Variants in CCDC148 observed in about 807,000 individuals in gnomAD.
CCDC148 encodes coiled-coil domain containing 148.
A neutral mutation model predicts 85.7 loss-of-function variants in CCDC148; 89 were observed. The ratio of observed to expected loss-of-function variants is 1.04; its 90% CI spans 0.87 to 1.24. The LOEUF (loss-of-function observed/expected upper bound fraction) is 1.24. CCDC148 is among the 50% of genes most tolerant of loss of function. The pLI is 0.00. For missense variants in CCDC148, 692 were observed against 671.7 expected, an observed-to-expected ratio of 1.03 and a Z score of -0.33; for synonymous variants, 230 against 213.9, an observed-to-expected ratio of 1.08 and a Z score of -0.66.
intron 10 of CCDC148, among the ~76,000 whole-genome samples, chr2:158,237,130 T>G (rs1175110273): frequency 2.0e-5 from 3 of 152,052 alleles, no homozygotes; most frequent in Non-Finnish European, 2.9e-5. Flanking sequence ...GGACATATGC[T>G]CGAGTGTTCA....
At chr2:158,225,255 C>G (rs898521153) in intron 10 of CCDC148, among the ~76,000 whole-genome samples, 2 of 152,196 alleles carry the variant, frequency 1.3e-5, no homozygotes. Flanking sequence ...GAAGAGCTAA[C>G]TATCCTAAAT....
intron 11 of CCDC148, among the ~76,000 whole-genome samples, chr2:158,219,744 C>T (rs1361828408): frequency 1.3e-5 from 2 of 152,210 alleles, no homozygotes; most frequent in South Asian, 2.1e-4. Context: ...TGAACTAGCT[C>T]TATCTTAACG....
At chr2:158,419,006 T>C (rs1321117726) in intron 1 of CCDC148, among the ~76,000 whole-genome samples, 1 of 152,132 alleles carries the variant, frequency 6.6e-6, no homozygotes, top group Non-Finnish European at 1.5e-5. Flanking sequence ...TTGCATGCTG[T>C]ATTTCATAAT....
chr2:158,345,005 C>T (rs1479798484), intron 3 of CCDC148, among the ~76,000 whole-genome samples: 1 of 151,932 alleles, frequency 6.6e-6, no homozygotes, highest in Non-Finnish European at 1.5e-5. Flanking sequence ...ATCTTCTTTC[C>T]AACAGGAAGC....
chr2:158,183,380 G>T (rs1684999347), intron 11 of CCDC148, among the ~76,000 whole-genome samples: 1 of 152,102 alleles, frequency 6.6e-6, no homozygotes, highest in African/African-American at 2.4e-5. Flanking sequence ...TTGATCCGTA[G>T]TAACAGCTTC....
At chr2:158,433,013 G>A (rs1169528703) in intron 1 of CCDC148, among the ~76,000 whole-genome samples, 2 of 147,220 alleles carry the variant, frequency 1.4e-5, no homozygotes, top group East Asian at 3.9e-4. Context: ...CAAGGTGGGT[G>A]GACTGCTTCA....
intron 7 of CCDC148, among the ~76,000 whole-genome samples, chr2:158,335,445 A>G (rs1258936467): frequency 6.6e-6 from 1 of 152,154 alleles, no homozygotes; most frequent in Non-Finnish European, 1.5e-5. Context: ...GTTAATAAAG[A>G]CATACCCAAG....
chr2:158,232,426 A>G (rs924528263), intron 10 of CCDC148, among the ~76,000 whole-genome samples: 1 of 152,158 alleles, frequency 6.6e-6, no homozygotes, highest in African/African-American at 2.4e-5. Flanking sequence ...ACACTTGTAA[A>G]CAGAACATTT....
intron 1 of CCDC148, among the ~76,000 whole-genome samples, chr2:158,371,446 C>G (rs1177444406): frequency 6.6e-6 from 1 of 151,890 alleles, no homozygotes; most frequent in Non-Finnish European, 1.5e-5. Context: ...ATTTTCAGTC[C>G]TACTTGCCTC....
At chr2:158,313,703 T>C (rs894468566) in intron 8 of CCDC148, 53 bp downstream of exon 8, 5 of 1,530,938 alleles carry the variant, frequency 3.3e-6, no homozygotes, top group Admixed American at 2.1e-5. Context: ...TTAATAATTA[T>C]TGACTACTAA....
intron 9 of CCDC148, among the ~76,000 whole-genome samples, chr2:158,273,826 G>A (rs1291094255): frequency 1.3e-5 from 2 of 151,944 alleles, no homozygotes; most frequent in African/African-American, 4.8e-5. Flanking sequence ...GTCAATTTAG[G>A]TTCAGCATGA....
chr2:158,344,857 C>T (rs750108453), intron 3 of CCDC148, among the ~76,000 whole-genome samples: 18 of 151,868 alleles, frequency 1.2e-4, no homozygotes, highest in African/African-American at 2.4e-4. Flanking sequence ...GATGTTTGCC[C>T]GTGATAGGAT....
At chr2:158,291,935 CT>C (rs1690913384) in intron 9 of CCDC148, among the ~76,000 whole-genome samples, 1 of 152,206 alleles carries the variant, frequency 6.6e-6, no homozygotes, top group Non-Finnish European at 1.5e-5. Flanking sequence ...CAACATATGT[CT>C]TTTATAAATT....
chr2:158,179,350 A>G (rs561580212), intron 11 of CCDC148, among the ~76,000 whole-genome samples: 131 of 151,412 alleles, frequency 8.7e-4, no homozygotes, highest in South Asian at 1.9e-3. Context: ...GTAGAGACGG[A>G]GTTTCACCAT....
intron 9 of CCDC148, among the ~76,000 whole-genome samples, chr2:158,258,797 ATACTT>A (rs1258765865): frequency 6.6e-6 from 1 of 151,744 alleles, no homozygotes; most frequent in Non-Finnish European, 1.5e-5. Flanking sequence ...AGCAGAGAAA[ATACTT>A]TACTGAATAT....
At chr2:158,382,696 G>A (rs1260087030) in intron 1 of CCDC148, among the ~76,000 whole-genome samples, 5 of 152,010 alleles carry the variant, frequency 3.3e-5, no homozygotes, top group Non-Finnish European at 7.4e-5. Flanking sequence ...GGATCACGAG[G>A]TCAGGAGTTC....
chr2:158,351,632 G>A (rs931677921), intron 2 of CCDC148, among the ~76,000 whole-genome samples: 337 of 152,280 alleles, frequency 2.2e-3, no homozygotes, highest in South Asian at 4.6e-3. Context: ...ACTGCAAGGC[G>A]GCAGCGAGGC....
intron 7 of CCDC148, among the ~76,000 whole-genome samples, chr2:158,337,929 G>T (rs906686178): frequency 6.6e-6 from 1 of 152,102 alleles, no homozygotes; most frequent in African/African-American, 2.4e-5. Flanking sequence ...CCATTCCAAA[G>T]TTATAAACCT....
intron 9 of CCDC148, among the ~76,000 whole-genome samples, chr2:158,284,656 T>G (rs1690530038): frequency 1.3e-5 from 2 of 152,218 alleles, no homozygotes; most frequent in Non-Finnish European, 2.9e-5. Context: ...TTTAATGCTT[T>G]CAGGAATACG....
Sources: allele counts gnomAD v4.1 joint callset (sites outside exome capture counted in the v4.1 genomes callset), GRCh38; gene constraint gnomAD v4.1.1; transcripts MANE v1.5; gene names NCBI Gene and HGNC (gene_info 2026-07-23, HGNC 2026-07-21).